The following CD8A variants were observed in gnomAD, a reference collection of about 807,000 sequenced individuals.
CD8A encodes CD8 subunit alpha, also known as T-cell surface glycoprotein CD8 alpha chain.
A neutral mutation model predicts 24.2 loss-of-function variants in CD8A; 25 were observed. The observed-to-expected ratio is 1.03, with a 90% CI of 0.75 to 1.44. CD8A has a LOEUF of 1.44. Ranked by LOEUF, CD8A falls within the 40% of genes most tolerant of loss-of-function variation. The pLI, the probability that CD8A is intolerant of heterozygous loss-of-function variation, is 0.00. For missense variants in CD8A, 360 were observed against 319.7 expected (o/e 1.13, Z -0.96); for synonymous variants, 165 against 149.9 (o/e 1.10, Z -0.74).
chr2:86,790,374 G>C lies in CD8A; in HGVS notation c.357C>G (p.Ser119Arg). Residue 119 changes from serine to arginine, a missense_variant, in exon 2 of 6, where the codon AGC becomes AGG. Transcript: ENST00000283635. The stretch of plus-strand genomic sequence containing the variant: ...AGTGGCTGAAGTACATGATGGAGTT[G>C]CTCAGGGCCGAGCAGAAATAGTAGC... ...NEGYYFCSAL[S>R]NSIMYFSHFV... is the part of the protein sequence containing the mutation. The C allele has an allele frequency of 6.2e-7, 1 of 1,614,102 alleles. No homozygotes were observed. The highest frequency in any genetic ancestry group is 8.5e-7 in the Non-Finnish European group (1 of 1,180,022).
chr2:86,797,347 A>G (rs1257107645), intron 3 of CD8A, among the ~76,000 whole-genome samples: 1 of 152,232 alleles, frequency 6.6e-6, no homozygotes, highest in African/African-American at 2.4e-5. Flanking sequence ...GAAATAAAAC[A>G]TTGGCAAGGA....
chr2:86,796,889 C>T (rs763147278), intron 3 of CD8A, among the ~76,000 whole-genome samples: 2 of 152,148 alleles, frequency 1.3e-5, no homozygotes, highest in Non-Finnish European at 2.9e-5. Flanking sequence ...CCTTACTCCT[C>T]CCAACTTCCT....
chr2:86,801,317 G>A lies in CD8A; in HGVS notation c.-271+194C>T, dbSNP rs999049487. Among the ~76,000 whole-genome samples the A allele has an allele frequency of 2.9e-5, 4 of 139,642 alleles. No homozygotes were observed. The East Asian group carries it at 6.5e-4, about 23-fold the overall frequency. 91.6% of individuals were successfully genotyped at this position (139,642 alleles called of 152,430 possible). A position where few individuals can be genotyped will look rare whatever the true frequency, so the allele number is the denominator to read the frequency against. On this transcript the variant is annotated intron_variant, in intron 3 of 8. Transcript: ENST00000409511. ...TTCCTTCCTTCCTTCCCTCCTTCCC[G>A]CTCTCTTTCTCTCTCTCTTTTTCCC... is the stretch of plus-strand genomic sequence containing the variant.
chr2:86,806,357 G>A (rs1041293840), intron 2 of CD8A, among the ~76,000 whole-genome samples: 1 of 152,224 alleles, frequency 6.6e-6, no homozygotes, highest in Non-Finnish European at 1.5e-5. Context: ...TATAGAAGGA[G>A]AGGTGTGGAC....
At chr2:86,786,711 A>C (rs1278867016) in intron 5 of CD8A, among the ~76,000 whole-genome samples, 2 of 152,094 alleles carry the variant, frequency 1.3e-5, no homozygotes, top group African/African-American at 2.4e-5. Context: ...TCCAAAGTGC[A>C]CCCTGAATAA....
At chr2:86,786,185 G>C (rs912083025) in intron 5 of CD8A, among the ~76,000 whole-genome samples, 1 of 152,234 alleles carries the variant, frequency 6.6e-6, no homozygotes, top group African/African-American at 2.4e-5. Flanking sequence ...GCAGCCTTAA[G>C]GGTGGGCACT....
At chr2:86,805,673 C>T (rs1410983304) in intron 2 of CD8A, among the ~76,000 whole-genome samples, 1 of 152,150 alleles carries the variant, frequency 6.6e-6, no homozygotes, top group Non-Finnish European at 1.5e-5. Flanking sequence ...CTTCCATATA[C>T]CAAGAACTCT....
rs574751755 is a variant in CD8A, at chr2:86,790,553, G to A, written c.178C>T (p.Pro60Ser). The part of the protein sequence containing the change: ...PTSGCSWLFQ[P>S]RGAAASPTFL... Reference sequence around the variant, plus strand: ...GTGGGACTGGCGGCGGCGCCGCGCGGCTGGAAGAGCCACGAGCAGCCCGAC... The same window carrying A: ...GTGGGACTGGCGGCGGCGCCGCGCGACTGGAAGAGCCACGAGCAGCCCGAC... Residue 60 changes from proline to serine, a missense_variant, in exon 2 of 6, where the codon CCG (proline) becomes TCG (serine). Coordinates refer to ENST00000283635, the MANE Select transcript of CD8A (RefSeq NM_001768.7). 8 of 1,613,260 alleles carry A rather than the reference G, an allele frequency of 5.0e-6. No homozygotes were observed. The African/African-American group carries it at 1.1e-4, about 21-fold the overall frequency.
intron 5 of CD8A, among the ~76,000 whole-genome samples, chr2:86,786,908 T>C (rs1673030595): frequency 6.8e-6 from 1 of 147,464 alleles, no homozygotes; most frequent in Admixed American, 6.8e-5. Context: ...TAGTCCCAGC[T>C]ACTTGGGAGG....
intron 3 of CD8A, among the ~76,000 whole-genome samples, chr2:86,799,927 G>C (rs62146072): frequency 0.029 from 4,283 of 149,478 alleles, 87 homozygotes; most frequent in Middle Eastern, 0.042. Context: ...GATTACAAAA[G>C]GAATCAGAAT....
chr2:86,797,931 A>G (rs1487220758), intron 3 of CD8A, among the ~76,000 whole-genome samples: 2 of 152,194 alleles, frequency 1.3e-5, no homozygotes, highest in Admixed American at 6.5e-5. Context: ...AACCTTTCCT[A>G]TGGAGCTGAG....
At chr2:86,794,437 C>T (rs1034631935), upstream of CD8A, among the ~76,000 whole-genome samples, 6 of 152,134 alleles carry the variant, frequency 3.9e-5, no homozygotes, top group Non-Finnish European at 7.4e-5. Context: ...GTGTCCCCAT[C>T]GCCAATTCAG....
chr2:86,789,670 C>A lies in CD8A; in HGVS notation c.484G>T (p.Glu162Ter). 6.8e-7 allele frequency: 1 copy of A among 1,470,270 alleles called. No individual in the cohort carries two copies. 91.1% of individuals were successfully genotyped at this position (1,470,270 alleles called of 1,614,324 possible). A position where few individuals can be genotyped will look rare whatever the true frequency, so the allele number is the denominator to read the frequency against. ...CCCCCCGCCGCTGGCCGGCACGCCT[C>A]TGGGCGCAGGGACAGGGGCTGCGAC... The part of the protein sequence containing the change: ...IASQPLSLRP[E>*]ACRPAAGGAV... The change falls in exon 3 of 6, where the codon GAG (glutamate) becomes TAG (stop). Residue 162 changes from glutamate to a stop codon, truncating the protein, a stop_gained. Transcript: ENST00000283635. LOFTEE classifies it high-confidence loss of function.
intron 5 of CD8A, among the ~76,000 whole-genome samples, chr2:86,787,046 GA>G (rs1371078929): frequency 1.0e-5 from 1 of 96,232 alleles, no homozygotes; most frequent in East Asian, 3.6e-4. Context: ...AAAAAGAAAA[GA>G]AAAGAAAAGA....
At chr2:86,794,723 G>C (rs1673424865), upstream of CD8A, among the ~76,000 whole-genome samples, 1 of 152,060 alleles carries the variant, frequency 6.6e-6, no homozygotes, top group Non-Finnish European at 1.5e-5. Context: ...GCTTCAACCT[G>C]AAAGGACTTC....
chr2:86,786,687 CCTT>C lies in CD8A; in HGVS notation c.657-719_657-717del, dbSNP rs547412438. ...AGAAAAGATCGAGAAAAGGGATGGT[CCTT>C]CTGCAAAAGTTCCAAAGTGCACCCT... On this transcript the variant is annotated intron_variant, in intron 5 of 5. Coordinates refer to ENST00000283635, the MANE Select transcript of CD8A (RefSeq NM_001768.7). 4.4e-3 allele frequency among the ~76,000 whole-genome samples: 665 copies of C among 152,202 alleles called. 2 individuals are homozygous for C. Among genetic ancestry groups the C allele is most frequent in the African/African-American group, 0.015 (619 of 41,520 alleles).
upstream of CD8A, chr2:86,790,957 T>C: frequency 1.1e-6 from 1 of 895,366 alleles, no homozygotes; most frequent in South Asian, 1.4e-5. Context: ...ATTTGGAGGA[T>C]GTGATGTCAC....
intron 3 of CD8A, among the ~76,000 whole-genome samples, chr2:86,796,301 G>A (rs1386020521): frequency 6.6e-6 from 1 of 152,176 alleles, no homozygotes; most frequent in African/African-American, 2.4e-5. Flanking sequence ...AATATGGGAA[G>A]AAAGCATGGC....
chr2:86,800,567 T>A (rs1004861912), intron 3 of CD8A, among the ~76,000 whole-genome samples: 1 of 152,230 alleles, frequency 6.6e-6, no homozygotes, highest in African/African-American at 2.4e-5. Context: ...TCCAAGTTAA[T>A]CAATTTCAGC....
Sources: allele counts gnomAD v4.1 joint callset (sites outside exome capture counted in the v4.1 genomes callset), GRCh38; gene constraint gnomAD v4.1.1; transcripts MANE v1.5; gene names NCBI Gene and HGNC (gene_info 2026-07-23, HGNC 2026-07-21).